The following RGS22 variants were observed in gnomAD, a reference collection of about 807,000 sequenced individuals.
RGS22 encodes the protein regulator of G-protein signaling 22.
Under a neutral mutation model 172.9 loss-of-function variants are expected in RGS22, and 148 were observed. The ratio of observed to expected loss-of-function variants is 0.86; its 90% CI spans 0.75 to 0.98. The LOEUF (loss-of-function observed/expected upper bound fraction) is 0.98, where lower values mean the gene tolerates loss of function less well. RGS22 is among the 50% of genes least tolerant of loss of function. RGS22 has a pLI of 0.00. For missense variants in RGS22, 1,347 were observed against 1,440.8 expected, an observed-to-expected ratio of 0.93 and a Z score of 1.05; for synonymous variants, 458 against 480.2, an observed-to-expected ratio of 0.95 and a Z score of 0.60.
chr8:100,007,275 C>A (rs1302479392), intron 15 of RGS22, among the ~76,000 whole-genome samples: 2 of 152,114 alleles, frequency 1.3e-5, no homozygotes, highest in African/African-American at 4.8e-5. Context: ...CCTGAAATGA[C>A]CTCAGGTACA....
At chr8:100,056,484 G>C (rs1262519652) in intron 9 of RGS22, among the ~76,000 whole-genome samples, 1 of 152,164 alleles carries the variant, frequency 6.6e-6, no homozygotes, top group African/African-American at 2.4e-5. Flanking sequence ...CATAGGCCTG[G>C]AGGCCTAGGG....
chr8:99,977,639 A>G (rs1812116003), intron 23 of RGS22, among the ~76,000 whole-genome samples: 1 of 152,196 alleles, frequency 6.6e-6, no homozygotes, highest in African/African-American at 2.4e-5. Context: ...GACTATATAA[A>G]GCATGTTCTA....
intron 14 of RGS22, among the ~76,000 whole-genome samples, chr8:100,034,635 C>A (rs1819237199): frequency 6.6e-6 from 1 of 152,094 alleles, no homozygotes; most frequent in East Asian, 1.9e-4. Context: ...CATATGGAAC[C>A]AAAAAAGAGC....
chr8:99,966,317 T>A (rs1810727687), intron 23 of RGS22, among the ~76,000 whole-genome samples: 1 of 152,114 alleles, frequency 6.6e-6, no homozygotes. Flanking sequence ...ATACAACCTG[T>A]TGGGTACAAC....
intron 10 of RGS22, among the ~76,000 whole-genome samples, chr8:100,051,465 AATAT>A: frequency 9.1e-6 from 1 of 110,162 alleles, no homozygotes; most frequent in South Asian, 2.7e-4. Context: ...ATTATATATA[AATAT>A]ATATTATATA....
intron 14 of RGS22, among the ~76,000 whole-genome samples, chr8:100,014,732 G>C (rs1486762865): frequency 1.3e-5 from 2 of 152,074 alleles, no homozygotes; most frequent in African/African-American, 2.4e-5. Context: ...CACCTTCTCA[G>C]TTCATGCCCC....
chr8:99,990,680 C>A (rs991979164), intron 20 of RGS22, among the ~76,000 whole-genome samples: 2 of 152,212 alleles, frequency 1.3e-5, no homozygotes, highest in African/African-American at 4.8e-5. Context: ...TAGACTCCAT[C>A]TCTGTGGGCA....
intron 10 of RGS22, among the ~76,000 whole-genome samples, chr8:100,052,557 TC>T (rs1277657894): frequency 6.6e-6 from 1 of 152,160 alleles, no homozygotes; most frequent in African/African-American, 2.4e-5. Context: ...TGCCTCGGCC[TC>T]CCAAATGCTG....
intron 6 of RGS22, among the ~76,000 whole-genome samples, chr8:100,068,895 A>G (rs1444310322): frequency 6.6e-6 from 1 of 151,270 alleles, no homozygotes; most frequent in Admixed American, 6.6e-5. Context: ...AGATTGTACC[A>G]CTGCACTCCA....
intron 6 of RGS22, among the ~76,000 whole-genome samples, chr8:100,066,724 T>C (rs1810558598): frequency 6.6e-6 from 1 of 152,124 alleles, no homozygotes; most frequent in African/African-American, 2.4e-5. Flanking sequence ...GGCTCAGTGT[T>C]TTTAACAACT....
chr8:100,105,959 C>G lies in RGS22; in HGVS notation c.-38G>C, dbSNP rs747214742. 7 of 1,421,072 alleles carry G rather than the reference C, an allele frequency of 4.9e-6. No individual in the cohort carries two copies. 88.0% of individuals were successfully genotyped at this position (1,421,072 alleles called of 1,614,324 possible). A position where few individuals can be genotyped will look rare whatever the true frequency, so the allele number is the denominator to read the frequency against. ...GCCCGCGCCTGGAGCCCGCGCGGGC[C>G]GTCAGGGCCCTAGCGCGCGGGTCCA... On this transcript the variant is annotated 5_prime_UTR_variant, in exon 1 of 28. Transcript: ENST00000360863.
intron 14 of RGS22, among the ~76,000 whole-genome samples, chr8:100,033,937 A>G (rs1190730740): frequency 1.3e-5 from 2 of 152,232 alleles, no homozygotes; most frequent in African/African-American, 4.8e-5. Flanking sequence ...AAAACTCTCA[A>G]TAAACTAGGT....
In RGS22 at chr8:100,105,982, C is replaced by G. The variant is rs879141273; in HGVS notation, c.-61G>C. The G allele has an allele frequency of 3.8e-6, 5 of 1,332,362 alleles. No individual in the cohort carries two copies. Among genetic ancestry groups the G allele is most frequent in the Non-Finnish European group, 4.8e-6 (5 of 1,046,258 alleles). The allele number at this position is 1,332,362 out of a possible 1,614,324, so 82.5% of individuals were successfully genotyped here. A position where few individuals can be genotyped will look rare whatever the true frequency, so the allele number is the denominator to read the frequency against. ...GCCGTCAGGGCCCTAGCGCGCGGGT[C>G]CAGCGCGGGTCAGGGCCTGAGCGAC... On this transcript the variant is annotated 5_prime_UTR_variant, in exon 1 of 28. Transcript: ENST00000360863.
chr8:100,002,575 T>C (rs1815212972), intron 17 of RGS22, among the ~76,000 whole-genome samples: 1 of 152,174 alleles, frequency 6.6e-6, no homozygotes, highest in East Asian at 1.9e-4. Flanking sequence ...TGGCTAAATA[T>C]ATGAATGATG....
intron 14 of RGS22, among the ~76,000 whole-genome samples, chr8:100,021,514 C>T (rs1429497714): frequency 6.6e-6 from 1 of 152,102 alleles, no homozygotes; most frequent in African/African-American, 2.4e-5. Flanking sequence ...GAAGAGGAAA[C>T]ATTAAAGCAT....
At chr8:100,103,558 G>A (rs539571788) in intron 2 of RGS22, among the ~76,000 whole-genome samples, 14 of 152,164 alleles carry the variant, frequency 9.2e-5, no homozygotes, top group Admixed American at 3.9e-4. Flanking sequence ...AGATGATAAA[G>A]AGTCCCAATA....
intron 10 of RGS22, among the ~76,000 whole-genome samples, chr8:100,047,965 G>C (rs1047167801): frequency 8.6e-5 from 13 of 151,938 alleles, no homozygotes; most frequent in East Asian, 3.9e-4. Context: ...TGTGTACTGG[G>C]GGGGGGTGCG....
intron 23 of RGS22, among the ~76,000 whole-genome samples, chr8:99,975,801 G>C (rs903309100): frequency 1.3e-5 from 2 of 151,986 alleles, no homozygotes; most frequent in Non-Finnish European, 2.9e-5. Flanking sequence ...TCCTTCCCTG[G>C]CTTGCCAAAG....
intron 6 of RGS22, among the ~76,000 whole-genome samples, chr8:100,067,543 T>C (rs1251455584): frequency 6.6e-6 from 1 of 151,680 alleles, no homozygotes; most frequent in Admixed American, 6.6e-5. Context: ...AAAAAAAGAA[T>C]GAGGGAGTAG....
Sources: allele counts gnomAD v4.1 joint callset (sites outside exome capture counted in the v4.1 genomes callset), GRCh38; gene constraint gnomAD v4.1.1; transcripts MANE v1.5; gene names NCBI Gene and HGNC (gene_info 2026-07-23, HGNC 2026-07-21).